C8orf34: variants seen among roughly 807,000 people sequenced by gnomAD.
C8orf34 encodes the protein chromosome 8 open reading frame 34, also known as uncharacterized protein C8orf34.
C8orf34 carries 65 observed loss-of-function variants against 68.3 expected under a neutral mutation model. That is an observed-to-expected ratio of 0.95 (90% confidence interval 0.78 to 1.17). The LOEUF is 1.17. Ranked by LOEUF, C8orf34 falls within the 50% of genes most tolerant of loss-of-function variation. The probability of loss-of-function intolerance (pLI) is 0.00; values close to 1 mark genes in which losing one functional copy is unlikely to be tolerated. For synonymous variants in C8orf34, 244 were observed against 241.2 expected (o/e 1.01, Z -0.11); for missense variants, 664 against 655.4 (o/e 1.01, Z -0.14).
intron 10 of C8orf34, among the ~76,000 whole-genome samples, chr8:68,760,995 A>T (rs1039989169): frequency 1.3e-5 from 2 of 152,186 alleles, no homozygotes; most frequent in African/African-American, 2.4e-5. Context: ...AAATAGAAGT[A>T]TTTCCTTGGC....
intron 1 of C8orf34, among the ~76,000 whole-genome samples, chr8:68,416,082 T>C (rs560912976): frequency 6.6e-6 from 1 of 152,338 alleles, no homozygotes; most frequent in Admixed American, 6.5e-5. Context: ...TTAATTATTT[T>C]ACTTTCTTCT....
At chr8:68,460,002 GAA>G (rs1388226013) in intron 3 of C8orf34, among the ~76,000 whole-genome samples, 1 of 152,202 alleles carries the variant, frequency 6.6e-6, no homozygotes, top group Non-Finnish European at 1.5e-5. Flanking sequence ...CCTCACTCGG[GAA>G]ACACAAGGGG....
At chr8:68,698,929 A>T (rs1166258464) in intron 8 of C8orf34, among the ~76,000 whole-genome samples, 1 of 152,078 alleles carries the variant, frequency 6.6e-6, no homozygotes, top group African/African-American at 2.4e-5. Context: ...GCATGTTGCA[A>T]TACAACTACC....
At chr8:68,794,507 T>TATA (rs1585894787) in intron 12 of C8orf34, among the ~76,000 whole-genome samples, 6 of 69,278 alleles carry the variant, frequency 8.7e-5, no homozygotes, top group South Asian at 4.6e-4. Flanking sequence ...ATATATATAT[T>TATA]TTTTTTTTTT....
intron 7 of C8orf34, among the ~76,000 whole-genome samples, chr8:68,626,868 G>C (rs1008782153): frequency 6.6e-6 from 1 of 152,074 alleles, no homozygotes; most frequent in African/African-American, 2.4e-5. Context: ...ACCTAAAAGG[G>C]CCAGCAAAAA....
At chr8:68,717,291 T>G (rs1049387569) in intron 9 of C8orf34, among the ~76,000 whole-genome samples, 25 of 152,114 alleles carry the variant, frequency 1.6e-4, no homozygotes, top group African/African-American at 5.3e-4. Context: ...AGGAGTTGTC[T>G]CCCACACGGG....
At chr8:68,336,438 C>A (rs1805855419) in intron 1 of C8orf34, among the ~76,000 whole-genome samples, 2 of 152,038 alleles carry the variant, frequency 1.3e-5, no homozygotes, top group Admixed American at 1.3e-4. Flanking sequence ...TCAAGTCAGC[C>A]TTCTTACTGA....
intron 3 of C8orf34, among the ~76,000 whole-genome samples, chr8:68,459,122 G>A (rs537823745): frequency 1.1e-3 from 175 of 152,260 alleles, no homozygotes; most frequent in Admixed American, 2.0e-3. Flanking sequence ...CTTAAGCAAT[G>A]TGTTTTTATT....
At chr8:68,802,945 T>A (rs555733897) in intron 12 of C8orf34, among the ~76,000 whole-genome samples, 1 of 152,270 alleles carries the variant, frequency 6.6e-6, no homozygotes, top group African/African-American at 2.4e-5. Flanking sequence ...AAAATACAAT[T>A]TACCAAAGCT....
intron 3 of C8orf34, among the ~76,000 whole-genome samples, chr8:68,465,046 G>A (rs1397306741): frequency 2.4e-4 from 37 of 151,402 alleles, no homozygotes; most frequent in Admixed American, 5.3e-4. Flanking sequence ...TTCGCAACCT[G>A]CTCATCTGAC....
chr8:68,513,154 C>A (rs529013350), intron 5 of C8orf34, among the ~76,000 whole-genome samples: 1 of 152,174 alleles, frequency 6.6e-6, no homozygotes, highest in Non-Finnish European at 1.5e-5. Context: ...TACCAATAAC[C>A]TTTAAGGCTG....
chr8:68,483,891 T>C (rs1812965627), intron 4 of C8orf34, among the ~76,000 whole-genome samples: 1 of 152,192 alleles, frequency 6.6e-6, no homozygotes, highest in South Asian at 2.1e-4. Context: ...AATTTTTCCC[T>C]TCACTTCCAG....
intron 1 of C8orf34, among the ~76,000 whole-genome samples, chr8:68,406,626 G>A (rs949007161): frequency 6.6e-6 from 1 of 151,958 alleles, no homozygotes; most frequent in Non-Finnish European, 1.5e-5. Flanking sequence ...CTTTCAAGTA[G>A]CTGGGACTAT....
chr8:68,596,878 C>G (rs1475071520), intron 7 of C8orf34, among the ~76,000 whole-genome samples: 1 of 152,116 alleles, frequency 6.6e-6, no homozygotes, highest in East Asian at 1.9e-4. Flanking sequence ...TGCAGAAACA[C>G]AAGAGACCTA....
chr8:68,470,602 T>C (rs748107748), intron 4 of C8orf34, among the ~76,000 whole-genome samples: 2 of 152,086 alleles, frequency 1.3e-5, no homozygotes, highest in African/African-American at 2.4e-5. Context: ...AGCAAAATAC[T>C]GTAGCCTGAG....
chr8:68,656,655 C>A (rs992297191), intron 8 of C8orf34, among the ~76,000 whole-genome samples: 7 of 152,170 alleles, frequency 4.6e-5, no homozygotes, highest in Admixed American at 4.6e-4. Flanking sequence ...GTGCATCCAA[C>A]AAACACTGAA....
intron 3 of C8orf34, among the ~76,000 whole-genome samples, chr8:68,461,220 G>T (rs185466365): frequency 1.5e-3 from 236 of 152,316 alleles, no homozygotes; most frequent in Non-Finnish European, 2.1e-3. Flanking sequence ...ATGAAATGAA[G>T]TGAGAAGGGA....
intron 1 of C8orf34, among the ~76,000 whole-genome samples, chr8:68,425,734 A>AG (rs1489621398): frequency 3.3e-5 from 5 of 151,892 alleles, no homozygotes; most frequent in Non-Finnish European, 5.9e-5. Flanking sequence ...GGAAGGAAAA[A>AG]AAAAAAAAGG....
At chr8:68,624,579 C>G (rs1818481263) in intron 7 of C8orf34, among the ~76,000 whole-genome samples, 1 of 152,116 alleles carries the variant, frequency 6.6e-6, no homozygotes, top group South Asian at 2.1e-4. Context: ...TATGCCTTAT[C>G]TATAAAATGG....
Sources: gnomAD v4.1 joint callset for allele counts (sites outside exome capture counted in the v4.1 genomes callset) on GRCh38, gnomAD v4.1.1 for gene constraint, MANE v1.5 for transcripts, NCBI Gene and HGNC (gene_info 2026-07-23, HGNC 2026-07-21) for gene names.